Variants in TBC1D4 observed in about 807,000 individuals in gnomAD.
TBC1D4 encodes TBC1 domain family member 4.
TBC1D4 carries 121 observed loss-of-function variants against 142.5 expected under a neutral mutation model. The ratio of observed to expected loss-of-function variants is 0.85; its 90% CI spans 0.73 to 0.99. The LOEUF (loss-of-function observed/expected upper bound fraction) is 0.99, where lower values mean the gene tolerates loss of function less well. Ranked by LOEUF, TBC1D4 falls within the 50% of genes least tolerant of loss-of-function variation. The pLI, the probability that TBC1D4 is intolerant of heterozygous loss-of-function variation, is 0.00. For synonymous variants in TBC1D4, 630 were observed against 628.2 expected (o/e 1.00, Z -0.04); for missense variants, 1,475 against 1,606.6 (o/e 0.92, Z 1.40).
intron 1 of TBC1D4, among the ~76,000 whole-genome samples, chr13:75,432,939 C>CAA (rs34647915): frequency 1.3e-3 from 125 of 99,728 alleles, no homozygotes; most frequent in African/African-American, 1.9e-3. Flanking sequence ...GAGACTGACT[C>CAA]AAAAAAAAAA....
intron 1 of TBC1D4, among the ~76,000 whole-genome samples, chr13:75,371,372 G>C (rs959187666): frequency 2.6e-5 from 4 of 152,156 alleles, no homozygotes; most frequent in Non-Finnish European, 4.4e-5. Context: ...AGGCAAGAGG[G>C]GACAGAATCT....
chr13:75,457,641 A>G (rs1045343906), intron 1 of TBC1D4, among the ~76,000 whole-genome samples: 6 of 152,212 alleles, frequency 3.9e-5, no homozygotes, highest in African/African-American at 1.4e-4. Flanking sequence ...GAAGGACTTA[A>G]AAGTCTTTCA....
Position 75,299,386 on chromosome 13 carries a change from G to A in TBC1D4, c.3100C>T (p.Leu1034Phe), listed in dbSNP as rs1177912952. The A allele has an allele frequency of 3.1e-6, 5 of 1,614,116 alleles. No individual in the cohort carries two copies. The highest frequency in any genetic ancestry group is 1.7e-4 in the Middle Eastern group (1 of 6,060). ...TTGCGGAAGCCGAGGTCATACATGA[G>A]GAATTTCAGCATTTCAAAGGCTTGC... ...EEQAFEMLKF[L>F]MYDLGFRKQY... The change falls in exon 17 of 21, where the codon CTC (leucine) becomes TTC (phenylalanine). Residue 1034 changes from leucine (L) to phenylalanine (F), a missense_variant. Coordinates refer to ENST00000377636, the MANE Select transcript of TBC1D4 (RefSeq NM_014832.5).
intron 1 of TBC1D4, among the ~76,000 whole-genome samples, chr13:75,440,431 GA>G (rs777895830): frequency 2.0e-5 from 3 of 148,088 alleles, no homozygotes; most frequent in African/African-American, 7.5e-5. Context: ...ATTTTAGAAG[GA>G]AAAAAAAACA....
At chr13:75,297,590 A>G (rs1876072748) in intron 17 of TBC1D4, among the ~76,000 whole-genome samples, 1 of 152,024 alleles carries the variant, frequency 6.6e-6, no homozygotes, top group Admixed American at 6.6e-5. Flanking sequence ...CCCCAACTCT[A>G]CTAAAAATAC....
rs554740716 is a variant in TBC1D4, at chr13:75,478,151, A to G, written c.498+3119T>C. Among the ~76,000 whole-genome samples the G allele has an allele frequency of 5.3e-5, 8 of 152,282 alleles. No homozygotes were observed. In the South Asian group the frequency reaches 1.7e-3, roughly 32 times the overall value. On this transcript the variant is annotated intron_variant, in intron 1 of 20. Coordinates refer to ENST00000377636, the MANE Select transcript of TBC1D4 (RefSeq NM_014832.5). Reference sequence around the variant, plus strand: ...GGTCAAATGTAGATCCAACTCCAATATGTGAGTAGATACTCTTGAAAACAT... The same window carrying G: ...GGTCAAATGTAGATCCAACTCCAATGTGTGAGTAGATACTCTTGAAAACAT...
chr13:75,355,381 A>AG (rs897117713), intron 4 of TBC1D4, among the ~76,000 whole-genome samples: 18 of 152,186 alleles, frequency 1.2e-4, no homozygotes, highest in African/African-American at 4.3e-4. Context: ...AAAAACTTTG[A>AG]GGGGAAAAAA....
chr13:75,402,712 C>A (rs1306537434), intron 1 of TBC1D4, among the ~76,000 whole-genome samples: 2 of 149,680 alleles, frequency 1.3e-5, no homozygotes, highest in Non-Finnish European at 3.0e-5. Flanking sequence ...CATGCATTAT[C>A]TGTGATGAAA....
chr13:75,307,160 C>T (rs767958067), intron 14 of TBC1D4, among the ~76,000 whole-genome samples: 3 of 152,120 alleles, frequency 2.0e-5, no homozygotes, highest in Non-Finnish European at 2.9e-5. Flanking sequence ...TGGGGTCTTG[C>T]TATGCTGCCC....
chr13:75,299,228 A>G, intron 17 of TBC1D4, 102 bp downstream of exon 17: 2 of 1,578,546 alleles, frequency 1.3e-6, no homozygotes, highest in African/African-American at 2.7e-5. Flanking sequence ...TTCTAAGACA[A>G]TGGCTCTACA....
At chr13:75,447,500 A>ATGTG (rs35775136) in intron 1 of TBC1D4, among the ~76,000 whole-genome samples, 15,145 of 145,168 alleles carry the variant, frequency 0.1, 841 homozygotes, top group Non-Finnish European at 0.11. Context: ...CATAGTGTGA[A>ATGTG]TGTGTGTGTG....
intron 15 of TBC1D4, among the ~76,000 whole-genome samples, chr13:75,303,499 CA>C (rs1203629515): frequency 6.6e-6 from 1 of 152,082 alleles, no homozygotes; most frequent in African/African-American, 2.4e-5. Context: ...TTTTTTATGC[CA>C]AGGGAAATGA....
At chr13:75,386,788 GC>G (rs1263414279) in intron 1 of TBC1D4, among the ~76,000 whole-genome samples, 4 of 151,940 alleles carry the variant, frequency 2.6e-5, no homozygotes, top group African/African-American at 9.7e-5. Context: ...ACATCTTTCC[GC>G]CATTTCTCAA....
intron 1 of TBC1D4, among the ~76,000 whole-genome samples, chr13:75,438,475 G>C (rs894228479): frequency 6.6e-6 from 1 of 152,110 alleles, no homozygotes; most frequent in African/African-American, 2.4e-5. Context: ...GTATAAAAAG[G>C]GGCAAATCCA....
intron 2 of TBC1D4, among the ~76,000 whole-genome samples, chr13:75,360,799 C>A (rs894347691): frequency 8.5e-5 from 13 of 152,102 alleles, no homozygotes; most frequent in African/African-American, 3.1e-4. Flanking sequence ...TGTACTTGTT[C>A]ACCTACGAGT....
intron 3 of TBC1D4, among the ~76,000 whole-genome samples, chr13:75,357,594 C>T (rs539061277): frequency 2.0e-5 from 3 of 152,272 alleles, no homozygotes; most frequent in East Asian, 1.9e-4. Context: ...CTCATTAGCT[C>T]GGAGAGTCCT....
chr13:75,286,713 C>G lies in TBC1D4; in HGVS notation c.*79G>C. 6.9e-7 allele frequency: 1 copy of G among 1,444,276 alleles called. No individual in the cohort carries two copies. Among genetic ancestry groups the G allele is most frequent in the Non-Finnish European group, 9.6e-7 (1 of 1,046,174 alleles). The allele number at this position is 1,444,276 out of a possible 1,614,324, so 89.5% of individuals were successfully genotyped here. On this transcript the variant is annotated 3_prime_UTR_variant, in exon 21 of 21. Transcript: ENST00000377636. ...TGGTTCCATCAGCTTCAGGGTCCAGCCTTGGGCCAGCGACATGCAGGCTCT... is the reference window on the plus strand; with the variant it reads ...TGGTTCCATCAGCTTCAGGGTCCAGGCTTGGGCCAGCGACATGCAGGCTCT...
At position 75,312,850 on chromosome 13, in the gene TBC1D4, G is replaced by A. The variant is rs986821693; in HGVS notation, c.2271C>T (p.Ser757=). ...TGACAGAGGTTCCTCCCACACTTAG[G>A]GACTCATTGCTGCAGGTAGATGAGG... ...KRTSSTCSNE[S]LSVGGTSVTP... is the part of the protein sequence containing the mutation. Residue 757 remains serine, a synonymous_variant, in exon 13 of 21, where the codon TCC becomes TCT. Coordinates refer to ENST00000377636, the MANE Select transcript of TBC1D4 (RefSeq NM_014832.5). The A allele has an allele frequency of 1.1e-5, 17 of 1,613,978 alleles. No individual in the cohort carries two copies. In the Admixed American group the frequency reaches 1.3e-4, roughly 13 times the overall value.
chr13:75,479,931 C>G (rs1471889959), intron 1 of TBC1D4, among the ~76,000 whole-genome samples: 3 of 151,768 alleles, frequency 2.0e-5, no homozygotes, highest in Non-Finnish European at 4.4e-5. Flanking sequence ...ACTGGGGAGG[C>G]TGAGGCACGA....
Sources: gnomAD v4.1 joint callset for allele counts (sites outside exome capture counted in the v4.1 genomes callset) on GRCh38, gnomAD v4.1.1 for gene constraint, MANE v1.5 for transcripts, NCBI Gene and HGNC (gene_info 2026-07-23, HGNC 2026-07-21) for gene names.